The following RBBP8 variants were observed in gnomAD, a reference collection of about 807,000 sequenced individuals.
RBBP8 encodes DNA endonuclease RBBP8.
A neutral mutation model predicts 108.3 loss-of-function variants in RBBP8; 88 were observed. The ratio of observed to expected loss-of-function variants is 0.81; its 90% CI spans 0.68 to 0.97. The LOEUF (loss-of-function observed/expected upper bound fraction) is 0.97. Ranked by LOEUF, RBBP8 falls within the 50% of genes least tolerant of loss-of-function variation. The pLI is 0.00. For missense variants in RBBP8, 1,023 were observed against 1,049.0 expected (o/e 0.98, Z 0.34); for synonymous variants, 332 against 348.2 (o/e 0.95, Z 0.52).
upstream of RBBP8, chr18:22,929,523 G>GGC (rs371099146): frequency 8.4e-6 from 1 of 118,590 alleles, no homozygotes; most frequent in Non-Finnish European, 1.7e-5. Flanking sequence ...GAGACAGGCG[G>GGC]GTGTGTGTGT....
intron 18 of RBBP8, 26 bp downstream of exon 18, chr18:23,022,296 A>G (rs950508014): frequency 1.9e-6 from 3 of 1,587,140 alleles, no homozygotes; most frequent in Admixed American, 3.4e-5. Flanking sequence ...GTAACATTTT[A>G]TAATTATTTT....
chr18:22,959,976 C>G (rs940999100), intron 4 of RBBP8, among the ~76,000 whole-genome samples: 3 of 150,198 alleles, frequency 2.0e-5, no homozygotes, highest in Admixed American at 6.7e-5. Flanking sequence ...ACTGCAAGCT[C>G]CGCCTCCCAG....
chr18:22,994,604 T>C (rs2144713636), intron 12 of RBBP8, among the ~76,000 whole-genome samples: 1 of 146,442 alleles, frequency 6.8e-6, no homozygotes, highest in East Asian at 2.1e-4. Flanking sequence ...ATCGTGCCAC[T>C]GCACTGCACT....
chr18:22,970,387 C>G (rs1913983022), intron 5 of RBBP8, among the ~76,000 whole-genome samples: 1 of 152,008 alleles, frequency 6.6e-6, no homozygotes, highest in African/African-American at 2.4e-5. Flanking sequence ...AAACTCCAAG[C>G]AAGCAAAAAA....
intron 4 of RBBP8, among the ~76,000 whole-genome samples, chr18:22,958,103 T>G (rs1273539197): frequency 6.6e-6 from 1 of 152,216 alleles, no homozygotes; most frequent in African/African-American, 2.4e-5. Flanking sequence ...CCATCTGCCT[T>G]TGATGAGCTG....
At chr18:22,937,215 T>G in intron 2 of RBBP8, 5 of 499,286 alleles carry the variant, frequency 1.0e-5, no homozygotes, top group Non-Finnish European at 1.6e-5. Context: ...CCCCTGACCC[T>G]CCACCCTCAT....
At chr18:22,947,043 T>C (rs1047067216) in intron 3 of RBBP8, among the ~76,000 whole-genome samples, 1 of 152,144 alleles carries the variant, frequency 6.6e-6, no homozygotes, top group Non-Finnish European at 1.5e-5. Context: ...CATGATTCTC[T>C]AGAGCTTCCA....
chr18:23,025,851 C>T (rs1180637258), intron 18 of RBBP8, among the ~76,000 whole-genome samples: 1 of 152,166 alleles, frequency 6.6e-6, no homozygotes, highest in Non-Finnish European at 1.5e-5. Flanking sequence ...AATTTAACTT[C>T]CTTGGGTCTC....
chr18:22,970,642 A>G (rs568189291), intron 5 of RBBP8, among the ~76,000 whole-genome samples: 1 of 152,276 alleles, frequency 6.6e-6, no homozygotes. Flanking sequence ...TTACTGTTCC[A>G]GTCAAGTATT....
upstream of RBBP8, among the ~76,000 whole-genome samples, chr18:22,929,988 T>A (rs112504325): frequency 6.6e-6 from 1 of 152,198 alleles, no homozygotes; most frequent in South Asian, 2.1e-4. Context: ...TCATTTTCCC[T>A]TCACAACACT....
intron 4 of RBBP8, among the ~76,000 whole-genome samples, chr18:22,959,370 T>G (rs912350507): frequency 1.3e-5 from 2 of 152,242 alleles, no homozygotes; most frequent in African/African-American, 4.8e-5. Flanking sequence ...CAGATTTTCT[T>G]TTCCTTTCTG....
At chr18:22,932,142 A>G (rs1195934299), upstream of RBBP8, among the ~76,000 whole-genome samples, 4 of 152,186 alleles carry the variant, frequency 2.6e-5, no homozygotes, top group South Asian at 2.1e-4. Flanking sequence ...AATGGATTAG[A>G]GAGTGAGACA....
At chr18:22,938,566 A>G (rs574797167) in intron 2 of RBBP8, among the ~76,000 whole-genome samples, 1 of 152,278 alleles carries the variant, frequency 6.6e-6, no homozygotes, top group African/African-American at 2.4e-5. Flanking sequence ...TAACCACAGA[A>G]CATAGTTTGT....
chr18:22,957,135 T>C (rs1912628159), intron 4 of RBBP8, among the ~76,000 whole-genome samples: 1 of 152,172 alleles, frequency 6.6e-6, no homozygotes, highest in African/African-American at 2.4e-5. Flanking sequence ...GTGTCCGCTT[T>C]TGTGTTGCTG....
At chr18:22,981,920 A>C (rs1312861804) in intron 6 of RBBP8, among the ~76,000 whole-genome samples, 1 of 152,218 alleles carries the variant, frequency 6.6e-6, no homozygotes, top group East Asian at 1.9e-4. Context: ...ATAAGTACAC[A>C]GTACTGCATG....
At chr18:22,930,088 A>C (rs1190300032), upstream of RBBP8, among the ~76,000 whole-genome samples, 1 of 152,246 alleles carries the variant, frequency 6.6e-6, no homozygotes, top group Non-Finnish European at 1.5e-5. Flanking sequence ...TTTTAAATCT[A>C]CGTGAGTTCC....
At chr18:22,940,599 C>T (rs973649622) in intron 2 of RBBP8, among the ~76,000 whole-genome samples, 2 of 151,936 alleles carry the variant, frequency 1.3e-5, no homozygotes, top group Non-Finnish European at 2.9e-5. Flanking sequence ...GGATTACAGG[C>T]GTGAGCCACT....
chr18:22,938,111 G>C (rs1418374990), intron 2 of RBBP8, among the ~76,000 whole-genome samples: 1 of 151,858 alleles, frequency 6.6e-6, no homozygotes, highest in African/African-American at 2.4e-5. Flanking sequence ...ACAGGTGTCC[G>C]CTGCTGTGCC....
chr18:23,008,695 G>A (rs796481702), intron 16 of RBBP8, among the ~76,000 whole-genome samples: 3 of 152,030 alleles, frequency 2.0e-5, no homozygotes, highest in African/African-American at 7.2e-5. Context: ...TGGCTGCTAG[G>A]GTTGCACTTT....
Sources: allele counts gnomAD v4.1 joint callset (sites outside exome capture counted in the v4.1 genomes callset), GRCh38; gene constraint gnomAD v4.1.1; transcripts MANE v1.5; gene names NCBI Gene and HGNC (gene_info 2026-07-23, HGNC 2026-07-21).